DPH6: variants seen among roughly 807,000 people sequenced by gnomAD.
DPH6 encodes diphthine--ammonia ligase.
DPH6 carries 33 observed loss-of-function variants against 38.2 expected under a neutral mutation model. The ratio of observed to expected loss-of-function variants is 0.86; its 90% CI spans 0.65 to 1.15. The LOEUF is 1.15. Ranked by LOEUF, DPH6 falls within the 50% of genes most tolerant of loss-of-function variation. The pLI is 0.00. For missense variants in DPH6, 325 were observed against 320.0 expected (o/e 1.02, Z -0.12); for synonymous variants, 108 against 103.0 (o/e 1.05, Z -0.30).
At chr15:35,166,813 G>A in the DPH6 span, among the ~76,000 whole-genome samples, 74 of 152,086 alleles carry the variant, frequency 4.9e-4, no homozygotes, top group Non-Finnish European at 8.8e-4. Context: ...GCCTGCTACT[G>A]AGATGAGGCA....
At chr15:35,191,279 T>C in the DPH6 span, among the ~76,000 whole-genome samples, 7 of 152,260 alleles carry the variant, frequency 4.6e-5, no homozygotes, top group South Asian at 2.1e-4. Flanking sequence ...CCTGAGACAA[T>C]AGTCTTATCT....
At chr15:35,152,074 G>A in the DPH6 span, among the ~76,000 whole-genome samples, 2 of 152,140 alleles carry the variant, frequency 1.3e-5, no homozygotes, top group African/African-American at 4.8e-5. Flanking sequence ...TAATTTCAAC[G>A]TTTAAGATTA....
downstream of DPH6, among the ~76,000 whole-genome samples, chr15:35,212,587 C>G (rs1254758969): frequency 6.6e-6 from 1 of 152,082 alleles, no homozygotes; most frequent in Non-Finnish European, 1.5e-5. Flanking sequence ...GAGAAGTGCA[C>G]CCATAGAGAT....
the DPH6 span, among the ~76,000 whole-genome samples, chr15:35,201,073 T>C: frequency 6.6e-6 from 1 of 150,924 alleles, no homozygotes; most frequent in Non-Finnish European, 1.5e-5. Flanking sequence ...ACACATATTT[T>C]ACCTGACTAG....
intron 3 of DPH6, among the ~76,000 whole-genome samples, chr15:35,507,125 CAG>C (rs1388582274): frequency 8.2e-6 from 1 of 122,332 alleles, no homozygotes; most frequent in East Asian, 2.5e-4. Context: ...AGAAAATAAT[CAG>C]ACAGTAATAT....
At chr15:35,285,323 C>T (rs1013173441) in intron 3 of DPH6, among the ~76,000 whole-genome samples, 2 of 152,098 alleles carry the variant, frequency 1.3e-5, no homozygotes, top group Admixed American at 6.5e-5. Context: ...ACAATTCCCA[C>T]GTGTCGTGGG....
chr15:35,361,259 A>G (rs796655682), intron 3 of DPH6, among the ~76,000 whole-genome samples: 27 of 152,254 alleles, frequency 1.8e-4, no homozygotes, highest in African/African-American at 6.3e-4. Flanking sequence ...CTGGATCTCA[A>G]TACTCCCACA....
intron 3 of DPH6, among the ~76,000 whole-genome samples, chr15:35,499,955 G>C (rs1387223190): frequency 6.6e-6 from 1 of 152,136 alleles, no homozygotes; most frequent in Non-Finnish European, 1.5e-5. Context: ...CAGTCTTCCA[G>C]GTGTCGACAC....
intron 3 of DPH6, among the ~76,000 whole-genome samples, chr15:35,332,108 G>A (rs527551717): frequency 1.3e-5 from 2 of 152,262 alleles, no homozygotes; most frequent in East Asian, 3.9e-4. Flanking sequence ...CAGCTTCTAG[G>A]ATGGAAATTG....
In DPH6 at chr15:35,279,250, C is replaced by T. The variant is rs932429704; in HGVS notation, n.201-58668G>A. On this transcript the variant is annotated intron_variant and non_coding_transcript_variant, in intron 3 of 3. Coordinates refer to the DPH6 transcript ENST00000560386. ...GAGTAAATAACTTTTTTTAATCTTA[C>T]AGGCTCATAGGAAAGAACTAATCTC... Among the ~76,000 whole-genome samples the T allele has an allele frequency of 5.9e-5, 9 of 151,724 alleles. No homozygotes were observed. In the East Asian group the frequency reaches 9.7e-4, roughly 16 times the overall value.
downstream of DPH6, among the ~76,000 whole-genome samples, chr15:35,327,457 T>C (rs1034663841): frequency 5.3e-5 from 8 of 151,286 alleles, no homozygotes; most frequent in East Asian, 2.0e-4. Context: ...ACCATTCTCC[T>C]GCCTCAGCCT....
At chr15:35,151,937 A>T in the DPH6 span, among the ~76,000 whole-genome samples, 1 of 152,176 alleles carries the variant, frequency 6.6e-6, no homozygotes, top group Non-Finnish European at 1.5e-5. Context: ...CACTTTGAAG[A>T]AATTTATTCC....
chr15:35,332,255 G>GT (rs2052332107), intron 3 of DPH6, among the ~76,000 whole-genome samples: 1 of 152,128 alleles, frequency 6.6e-6, no homozygotes, highest in African/African-American at 2.4e-5. Flanking sequence ...GTGTGTGAGT[G>GT]TAAGTGGGTT....
the DPH6 span, among the ~76,000 whole-genome samples, chr15:35,179,490 T>C: frequency 4.6e-5 from 7 of 152,180 alleles, no homozygotes; most frequent in Admixed American, 2.6e-4. Flanking sequence ...TAAAAATCTA[T>C]GTTTTCATTT....
intron 3 of DPH6, among the ~76,000 whole-genome samples, chr15:35,351,528 T>C (rs2052510822): frequency 6.6e-6 from 1 of 152,154 alleles, no homozygotes; most frequent in African/African-American, 2.4e-5. Flanking sequence ...TTCATGGTGA[T>C]GTGCTTTTAT....
the DPH6 span, among the ~76,000 whole-genome samples, chr15:35,165,679 C>G: frequency 1.3e-5 from 2 of 151,896 alleles, no homozygotes; most frequent in African/African-American, 4.8e-5. Context: ...AAAGTTATTT[C>G]AACTGCAAAC....
At chr15:35,533,671 TTTA>T (rs201971294) in intron 3 of DPH6, among the ~76,000 whole-genome samples, 7,866 of 151,022 alleles carry the variant, frequency 0.052, 228 homozygotes, top group Middle Eastern at 0.086. Flanking sequence ...TATTATTAAA[TTTA>T]TTATTTATGT....
the DPH6 span, among the ~76,000 whole-genome samples, chr15:35,147,215 C>T: frequency 6.6e-6 from 1 of 152,076 alleles, no homozygotes. Flanking sequence ...AATTGAGGAG[C>T]AGGGAGGTTA....
intron 6 of DPH6, among the ~76,000 whole-genome samples, chr15:35,404,930 T>G (rs59780094): frequency 0.031 from 4,771 of 152,230 alleles, 241 homozygotes; most frequent in African/African-American, 0.11. Context: ...TCAAGTTTTA[T>G]TTTTCTGCAT....
Sources: allele counts gnomAD v4.1 joint callset (sites outside exome capture counted in the v4.1 genomes callset), GRCh38; gene constraint gnomAD v4.1.1; transcripts MANE v1.5; gene names NCBI Gene and HGNC (gene_info 2026-07-23, HGNC 2026-07-21).